Variants in TMEM44 observed in about 807,000 individuals in gnomAD.
TMEM44 encodes transmembrane protein 44.
Under a neutral mutation model 47.8 loss-of-function variants are expected in TMEM44, and 43 were observed. The observed-to-expected ratio is 0.90, with a 90% CI of 0.70 to 1.16. TMEM44 has a LOEUF of 1.16. Ranked by LOEUF, TMEM44 falls within the 50% of genes most tolerant of loss-of-function variation. The probability of loss-of-function intolerance (pLI) is 0.00; values close to 1 mark genes in which losing one functional copy is unlikely to be tolerated. For missense variants in TMEM44, 568 were observed against 555.2 expected (o/e 1.02, Z -0.23); for synonymous variants, 277 against 238.8 (o/e 1.16, Z -1.48).
chr3:194,627,077 A>C (rs1051936809), intron 2 of TMEM44, among the ~76,000 whole-genome samples: 8 of 151,992 alleles, frequency 5.3e-5, no homozygotes, highest in Non-Finnish European at 1.5e-5. Flanking sequence ...ACGCGCCACC[A>C]CGCCCAGCTA....
Position 194,588,565 on chromosome 3 carries a change from G to A in TMEM44, c.1251C>T (p.Asp417=), listed in dbSNP as rs1285373740. The part of the protein sequence containing the change: ...VELLGSQVHQ[D]SVRTAHLSDD... ...CACTCAGGTGTGCTGTCCTCACAGAGTCCTGGTGCACCTGGGATCCCAGTA... is the reference window on the plus strand; with the variant it reads ...CACTCAGGTGTGCTGTCCTCACAGAATCCTGGTGCACCTGGGATCCCAGTA... Residue 417 remains aspartate, a synonymous_variant, in exon 10 of 10, where the codon GAC becomes GAT. Transcript: ENST00000347147. The A allele has an allele frequency of 6.2e-7, 1 of 1,614,210 alleles. No individual in the cohort carries two copies. The highest frequency in any genetic ancestry group is 8.5e-7 in the Non-Finnish European group (1 of 1,180,042).
chr3:194,623,390 G>C (rs545422426), intron 4 of TMEM44, 80 bp from the exon 5 acceptor site: 5 of 1,519,754 alleles, frequency 3.3e-6, no homozygotes, highest in African/African-American at 1.4e-5. Context: ...CAAAGCTCAG[G>C]AGTCCTTTTC....
rs544955568 is a variant in TMEM44, at chr3:194,629,107, T to C, written c.138-598A>G. ...TGAACCCAGGAGGCAGAGGTTGCAG[T>C]GAGCCAAGATCACACCATTGCACTC... On this transcript the variant is annotated intron_variant, in intron 1 of 9. Coordinates refer to ENST00000347147, the MANE Select transcript of TMEM44 (RefSeq NM_001011655.3). 6.2e-4 allele frequency among the ~76,000 whole-genome samples: 94 copies of C among 150,532 alleles called. 1 individual carries two copies. In the South Asian group the frequency reaches 0.017, roughly 27 times the overall value.
chr3:194,617,910 C>T (rs898224281), intron 5 of TMEM44: 14 of 593,904 alleles, frequency 2.4e-5, no homozygotes, highest in African/African-American at 3.7e-5. Context: ...GTGGCACCTT[C>T]CCTTCCACCC....
At chr3:194,608,694 CTG>C (rs1210592634) in intron 8 of TMEM44, among the ~76,000 whole-genome samples, 8 of 152,122 alleles carry the variant, frequency 5.3e-5, no homozygotes, top group Non-Finnish European at 8.8e-5. Flanking sequence ...GAGAGAAACT[CTG>C]TGCAGCTAGA....
intron 9 of TMEM44, among the ~76,000 whole-genome samples, chr3:194,594,824 A>C (rs1406521872): frequency 1.3e-5 from 2 of 152,190 alleles, no homozygotes; most frequent in Non-Finnish European, 2.9e-5. Context: ...GAAACCTTGA[A>C]ACTTCCTTTA....
intron 8 of TMEM44, among the ~76,000 whole-genome samples, 175 bp downstream of exon 8, chr3:194,610,741 C>T (rs1467953539): frequency 2.6e-5 from 4 of 152,188 alleles, no homozygotes; most frequent in African/African-American, 7.2e-5. Context: ...TTTTTCTCTC[C>T]AACACTCCCC....
At chr3:194,593,365 T>C (rs1712997554) in intron 9 of TMEM44, among the ~76,000 whole-genome samples, 1 of 152,220 alleles carries the variant, frequency 6.6e-6, no homozygotes, top group Non-Finnish European at 1.5e-5. Flanking sequence ...TAGAAATTAT[T>C]ATTATTATTA....
chr3:194,611,029 T>C lies in TMEM44; in HGVS notation c.913-9A>G, dbSNP rs1461391457. On this transcript the variant is annotated splice_polypyrimidine_tract_variant and intron_variant, in intron 7 of 9. Transcript: ENST00000347147. The surrounding 1 kb of genome is among the most constrained non-coding windows in gnomAD (Gnocchi z 4.2). Reference sequence around the variant, plus strand: ...GGCACCCAATCCAAATTCTTGCAAGTAGAGGCAGGGAGACAGAAAGGGGAA... The same window carrying C: ...GGCACCCAATCCAAATTCTTGCAAGCAGAGGCAGGGAGACAGAAAGGGGAA... The C allele has an allele frequency of 6.3e-7, 1 of 1,594,172 alleles. No homozygotes were observed. The highest frequency in any genetic ancestry group is 8.6e-7 in the Non-Finnish European group (1 of 1,163,150).
At chr3:194,609,866 A>G (rs1715135390) in intron 8 of TMEM44, among the ~76,000 whole-genome samples, 1 of 151,944 alleles carries the variant, frequency 6.6e-6, no homozygotes, top group East Asian at 1.9e-4. Context: ...ACTTCCCCAG[A>G]TGGCTCTAAA....
chr3:194,599,387 C>A (rs1395178854), intron 9 of TMEM44, among the ~76,000 whole-genome samples: 1 of 152,134 alleles, frequency 6.6e-6, no homozygotes, highest in Non-Finnish European at 1.5e-5. Context: ...CTCAAAGACA[C>A]CGCCTCGCCC....
intron 7 of TMEM44, among the ~76,000 whole-genome samples, chr3:194,615,136 G>A (rs1028255365): frequency 6.6e-6 from 1 of 152,140 alleles, no homozygotes; most frequent in Non-Finnish European, 1.5e-5. Flanking sequence ...CAGCTACTTG[G>A]GTGGCTGAGG....
At chr3:194,592,833 T>TG (rs1712930405) in intron 9 of TMEM44, among the ~76,000 whole-genome samples, 1 of 152,078 alleles carries the variant, frequency 6.6e-6, no homozygotes, top group Non-Finnish European at 1.5e-5. Flanking sequence ...AGGCTGGTCT[T>TG]GAACTCCTGA....
chr3:194,602,318 T>C (rs922604634), intron 9 of TMEM44, among the ~76,000 whole-genome samples: 1 of 152,170 alleles, frequency 6.6e-6, no homozygotes, highest in Non-Finnish European at 1.5e-5. Flanking sequence ...GTATGTGCTC[T>C]AGGCTGGGTG....
rs1372920543 is a variant in TMEM44 at position 194,633,010 on chromosome 3, G to C, written c.137+69C>G. 28 of 1,513,316 alleles carry C rather than the reference G, an allele frequency of 1.9e-5. No homozygotes were observed. The East Asian group carries it at 7.3e-4, about 40-fold the overall frequency. 93.7% of individuals were successfully genotyped at this position (1,513,316 alleles called of 1,614,324 possible). ...TTTCCGCCCCCTCCTCTAGGTTTCCGAGAGGGAGCAGCAGGGGATTGGCGC... is the reference window on the plus strand; with the variant it reads ...TTTCCGCCCCCTCCTCTAGGTTTCCCAGAGGGAGCAGCAGGGGATTGGCGC... On this transcript the variant is annotated intron_variant, in intron 1 of 9. Coordinates refer to ENST00000347147, the MANE Select transcript of TMEM44 (RefSeq NM_001011655.3).
chr3:194,617,409 C>T (rs576392361), intron 5 of TMEM44, 140 bp from the exon 6 acceptor site: 78 of 1,035,614 alleles, frequency 7.5e-5, no homozygotes, highest in Non-Finnish European at 1.0e-4. Flanking sequence ...AGACTTACAG[C>T]TTTTGCTCGA....
intron 5 of TMEM44, among the ~76,000 whole-genome samples, chr3:194,621,259 C>T (rs756238114): frequency 1.4e-4 from 21 of 152,184 alleles, no homozygotes; most frequent in East Asian, 1.9e-4. Context: ...GGGAGAGGAG[C>T]GAGGCCTGGA....
rs138879040 is a variant in TMEM44 at position 194,601,775 on chromosome 3, A to G, written c.1176+2512T>C. On this transcript the variant is annotated intron_variant, in intron 9 of 9. Transcript: ENST00000347147. ...GGAATTTACATATTTTTAACAATCG[A>G]TTTCTAGAAAAGAGAGAGATAAGAG... 4.1e-3 allele frequency among the ~76,000 whole-genome samples: 627 copies of G among 152,280 alleles called. 4 individuals carry two copies. The highest frequency in any genetic ancestry group is 0.014 in the African/African-American group (574 of 41,554).
At chr3:194,621,786 G>A (rs1376759529) in intron 5 of TMEM44, among the ~76,000 whole-genome samples, 1 of 151,608 alleles carries the variant, frequency 6.6e-6, no homozygotes, top group East Asian at 1.9e-4. Flanking sequence ...GCACGATCTC[G>A]GCTCACTGCA....
Sources: allele counts gnomAD v4.1 joint callset (sites outside exome capture counted in the v4.1 genomes callset), GRCh38; gene constraint gnomAD v4.1.1; non-coding constraint Gnocchi (gnomAD v3.1); transcripts MANE v1.5; gene names NCBI Gene and HGNC (gene_info 2026-07-23, HGNC 2026-07-21).